MTMR7: variants seen among roughly 807,000 people sequenced by gnomAD.
MTMR7 encodes phosphatidylinositol-3-phosphate phosphatase MTMR7.
Under a neutral mutation model 81.2 loss-of-function variants are expected in MTMR7, and 76 were observed. The observed-to-expected ratio is 0.94, with a 90% CI of 0.78 to 1.13. The LOEUF (loss-of-function observed/expected upper bound fraction) is 1.13, where lower values mean the gene tolerates loss of function less well. Among genes scored for constraint, MTMR7 ranks in the 50% most tolerant of loss-of-function variants. MTMR7 has a pLI of 0.00. For synonymous variants in MTMR7, 372 were observed against 289.8 expected (o/e 1.28, Z -2.88); for missense variants, 1,044 against 820.0 (o/e 1.27, Z -3.34).
chr8:17,402,801 A>G (rs1221866602), intron 1 of MTMR7, among the ~76,000 whole-genome samples: 2 of 152,074 alleles, frequency 1.3e-5, no homozygotes, highest in African/African-American at 4.8e-5. Context: ...CTCTGTTTTT[A>G]GTTTTTTGAG....
intron 10 of MTMR7, among the ~76,000 whole-genome samples, chr8:17,307,570 T>C (rs1287308042): frequency 6.6e-6 from 1 of 152,122 alleles, no homozygotes; most frequent in Non-Finnish European, 1.5e-5. Flanking sequence ...CATGCTGCTA[T>C]AAAGACACAT....
At position 17,299,905 on chromosome 8, in the gene MTMR7, C is replaced by A. The variant is rs199741724; in HGVS notation, c.1940G>T (p.Gly647Val). 2.5e-6 allele frequency: 4 copies of A among 1,614,008 alleles called. No individual in the cohort carries two copies. The Admixed American group carries it at 6.7e-5, about 27-fold the overall frequency. The change falls in exon 14 of 14, where the codon GGC (glycine) becomes GTC (valine). Residue 647 changes from glycine to valine, a missense_variant. By Grantham distance (109) the Gly-to-Val change is moderately radical (BLOSUM62 -3). Transcript: ENST00000180173. ...GGEHAPSEDS[G>V]KDRDSDEAVF... ...GGCTTCATCAGAATCCCGGTCCTTG[C>A]CACTATCTTCACTCGGTGCATGCTC...
At chr8:17,368,063 G>C (rs1033003320) in intron 3 of MTMR7, among the ~76,000 whole-genome samples, 2 of 152,058 alleles carry the variant, frequency 1.3e-5, no homozygotes, top group African/African-American at 4.8e-5. Flanking sequence ...CTTTGTGGAA[G>C]ACAATTTTTC....
chr8:17,309,303 A>C lies in MTMR7; in HGVS notation c.1125T>G (p.Ile375Met). Residue 375 changes from isoleucine (I) to methionine (M), a missense_variant, in exon 10 of 14, where the codon ATT becomes ATG. Coordinates refer to ENST00000180173, the MANE Select transcript of MTMR7 (RefSeq NM_004686.5). ...GGTGATTAAACTTATGACCAAAGGA[A>C]ATCCAGTCCTTTTCAATTAATACCT... ...GFMVLIEKDW[I>M]SFGHKFNHRY... 1 of 1,566,968 alleles carries C rather than the reference A, an allele frequency of 6.4e-7. No individual in the cohort carries two copies.
chr8:17,372,908 G>C (rs1443867169), intron 2 of MTMR7: 7 of 521,114 alleles, frequency 1.3e-5, no homozygotes, highest in Non-Finnish European at 2.3e-5. Flanking sequence ...TCTCTTCACT[G>C]ATGTTCAAAT....
intron 7 of MTMR7, among the ~76,000 whole-genome samples, chr8:17,320,770 C>G (rs896606324): frequency 4.6e-5 from 7 of 152,202 alleles, no homozygotes; most frequent in African/African-American, 1.7e-4. Flanking sequence ...TCACTTCTGC[C>G]TATGCACGCG....
Position 17,306,067 on chromosome 8 carries a change from T to A in MTMR7, c.1152-110A>T, listed in dbSNP as rs867983437. On this transcript the variant is annotated intron_variant, in intron 10 of 13. Coordinates refer to ENST00000180173, the MANE Select transcript of MTMR7 (RefSeq NM_004686.5). The stretch of plus-strand genomic sequence containing the variant: ...AACCCTAGTTCCTAAATAAATCTTA[T>A]CTTACAAACTTGGAATGACAAAAAA... 30 of 844,360 alleles carry A rather than the reference T, an allele frequency of 3.6e-5. No individual in the cohort carries two copies. In the Middle Eastern group the frequency reaches 7.0e-4, roughly 20 times the overall value. The allele number at this position is 844,360 out of a possible 1,614,324, so 52.3% of individuals were successfully genotyped here.
chr8:17,396,067 T>A (rs1269823080), intron 1 of MTMR7, among the ~76,000 whole-genome samples: 1 of 151,926 alleles, frequency 6.6e-6, no homozygotes, highest in East Asian at 1.9e-4. Context: ...ATATTCAATG[T>A]TAAATAATAT....
intron 1 of MTMR7, among the ~76,000 whole-genome samples, chr8:17,403,434 A>G (rs34069121): frequency 0.39 from 59,123 of 152,034 alleles, 13,900 homozygotes; most frequent in Admixed American, 0.57. Context: ...CCAGCGGTCT[A>G]TGTCTCTGTT....
At chr8:17,300,959 C>G (rs769540105) in intron 13 of MTMR7, among the ~76,000 whole-genome samples, 1 of 152,212 alleles carries the variant, frequency 6.6e-6, no homozygotes, top group Non-Finnish European at 1.5e-5. Flanking sequence ...TACTTCATTC[C>G]TTTTTCTGGC....
At chr8:17,325,598 C>T (rs1298487636) in intron 7 of MTMR7, among the ~76,000 whole-genome samples, 13 of 152,182 alleles carry the variant, frequency 8.5e-5, no homozygotes, top group African/African-American at 1.4e-4. Flanking sequence ...GCGGGGCCTG[C>T]GTCCCACATG....
At position 17,304,628 on chromosome 8, in the gene MTMR7, G is replaced by A. The variant is rs77844046; in HGVS notation, c.1353-109C>T. On this transcript the variant is annotated intron_variant, in intron 11 of 13. Transcript: ENST00000180173. ...CTAATAATTGTTACCTGAAAACCAC[G>A]TGTCTGTTCGATAGCAGGTAAATGT... 3.7e-3 allele frequency: 4,144 copies of A among 1,124,124 alleles called. 16 individuals carry two copies. Among genetic ancestry groups the A allele is most frequent in the Non-Finnish European group, 4.7e-3 (3,630 of 776,984 alleles). The allele number at this position is 1,124,124 out of a possible 1,614,324, so 69.6% of individuals were successfully genotyped here.
chr8:17,368,806 C>A (rs552952746), intron 3 of MTMR7, among the ~76,000 whole-genome samples: 10 of 152,198 alleles, frequency 6.6e-5, no homozygotes, highest in South Asian at 2.1e-4. Flanking sequence ...TTCTTTTTAA[C>A]TCCTCTTAGG....
intron 12 of MTMR7, among the ~76,000 whole-genome samples, chr8:17,303,236 C>T (rs529356583): frequency 1.2e-4 from 18 of 152,008 alleles, no homozygotes; most frequent in Non-Finnish European, 8.8e-5. Context: ...AGTTGCAATC[C>T]AACTGGTCAT....
rs1051557110 is a variant in MTMR7, at chr8:17,302,356, A to C, written c.1494-76T>G. On this transcript the variant is annotated intron_variant, in intron 12 of 13. Transcript: ENST00000180173. ...TTCACATCCTCAAGTCTTCTAAGGT[A>C]TCTATGATACCACAGTCTTAATAAT... is the stretch of plus-strand genomic sequence containing the variant. The C allele has an allele frequency of 2.0e-6, 3 of 1,478,414 alleles. No individual in the cohort carries two copies. In the Admixed American group the frequency reaches 6.6e-5, roughly 33 times the overall value. 91.6% of individuals were successfully genotyped at this position (1,478,414 alleles called of 1,614,324 possible). A position where few individuals can be genotyped will look rare whatever the true frequency, so the allele number is the denominator to read the frequency against.
At chr8:17,345,141 C>T (rs373064944) in intron 5 of MTMR7, among the ~76,000 whole-genome samples, 54 of 152,254 alleles carry the variant, frequency 3.5e-4, no homozygotes, top group African/African-American at 1.2e-3. Context: ...AACCCATGTG[C>T]GTAAGGCCTA....
intron 4 of MTMR7, among the ~76,000 whole-genome samples, chr8:17,353,692 A>T (rs1434598777): frequency 6.6e-6 from 1 of 152,204 alleles, no homozygotes; most frequent in Non-Finnish European, 1.5e-5. Flanking sequence ...TTTCTCCTGA[A>T]TTTTCTTTAC....
rs1412717367 is a variant in MTMR7 at position 17,305,690 on chromosome 8, A to C, written c.1352+67T>G. On this transcript the variant is annotated intron_variant, in intron 11 of 13. Transcript: ENST00000180173. ...AAAGTCTTCAAAATTATGAAAGGCC[A>C]CCTAAAATTCTCAGTCATCAAAATC... The C allele has an allele frequency of 2.7e-5, 38 of 1,384,600 alleles. No individual in the cohort carries two copies. The East Asian group carries it at 6.9e-4, about 25-fold the overall frequency. 85.8% of individuals were successfully genotyped at this position (1,384,600 alleles called of 1,614,324 possible).
chr8:17,385,294 G>T (rs1283056445), intron 1 of MTMR7, among the ~76,000 whole-genome samples: 10 of 151,962 alleles, frequency 6.6e-5, no homozygotes, highest in Admixed American at 6.6e-4. Flanking sequence ...TACTTGATAT[G>T]GTTTGGCTGT....
Sources: gnomAD v4.1 joint callset for allele counts (sites outside exome capture counted in the v4.1 genomes callset) on GRCh38, gnomAD v4.1.1 for gene constraint, MANE v1.5 for transcripts, NCBI Gene and HGNC (gene_info 2026-07-23, HGNC 2026-07-21) for gene names.